BDH1: variants seen among roughly 807,000 people sequenced by gnomAD.
BDH1 encodes D-beta-hydroxybutyrate dehydrogenase, mitochondrial.
In BDH1, 30 loss-of-function variants were observed where a neutral mutation model predicts 33.1. That is an observed-to-expected ratio of 0.91 (90% confidence interval 0.68 to 1.23). The LOEUF (loss-of-function observed/expected upper bound fraction) is 1.23, where lower values mean the gene tolerates loss of function less well. Among genes scored for constraint, BDH1 ranks in the 50% most tolerant of loss-of-function variants. The probability of loss-of-function intolerance (pLI) is 0.00; values close to 1 mark genes in which losing one functional copy is unlikely to be tolerated. For missense variants in BDH1, 443 were observed against 464.4 expected, an observed-to-expected ratio of 0.95 and a Z score of 0.42; for synonymous variants, 190 against 183.6, an observed-to-expected ratio of 1.03 and a Z score of -0.28.
chr3:197,533,917 T>C, intron 3 of BDH1: 2 of 266,902 alleles, frequency 7.5e-6, no homozygotes, highest in Non-Finnish European at 1.4e-5. Context: ...TTCAAGCTAA[T>C]TCAAGTGTGA....
At position 197,532,525 on chromosome 3, in the gene BDH1, G is replaced by A; in HGVS notation, c.157-3C>T. 6.2e-7 allele frequency: 1 copy of A among 1,611,390 alleles called. No homozygotes were observed. Among genetic ancestry groups the A allele is most frequent in the South Asian group, 1.1e-5 (1 of 91,036 alleles). ...ACCAGGACAGCTTTGCTGCCAACCT[G>A]TTTTACAAGGTCAGATTCCATGTTA... On this transcript the variant is annotated splice_region_variant and splice_polypyrimidine_tract_variant and intron_variant, in intron 4 of 7. Transcript: ENST00000392379.
chr3:197,572,663 C>T (rs527718109), intron 1 of BDH1, among the ~76,000 whole-genome samples: 5 of 152,264 alleles, frequency 3.3e-5, no homozygotes, highest in African/African-American at 1.2e-4. Context: ...CTTGAGCCCA[C>T]GAGTTTGAGG....
At chr3:197,545,644 T>A (rs1361651808) in intron 3 of BDH1, among the ~76,000 whole-genome samples, 1 of 152,274 alleles carries the variant, frequency 6.6e-6, no homozygotes, top group African/African-American at 2.4e-5. Flanking sequence ...AGCAGCCACT[T>A]GGCAACACTG....
Position 197,514,226 on chromosome 3 carries a change from A to G in BDH1, c.562+38T>C. 2.5e-6 allele frequency: 4 copies of G among 1,586,118 alleles called. No individual in the cohort carries two copies. The highest frequency in any genetic ancestry group is 2.3e-5 in the South Asian group (2 of 87,736). On this transcript the variant is annotated intron_variant, in intron 7 of 7. Transcript: ENST00000392379. This position sits in a 1 kb window ranked among gnomAD's most constrained non-coding sequence, Gnocchi z 4.2. Reference sequence around the variant, plus strand: ...CTGAGCAAAGATGAACACGTGGGGCAGGTTCAGGGGCAGGAGGGAGCTCCC... The same window carrying G: ...CTGAGCAAAGATGAACACGTGGGGCGGGTTCAGGGGCAGGAGGGAGCTCCC...
At chr3:197,519,455 G>A (rs1579885244) in intron 6 of BDH1, among the ~76,000 whole-genome samples, 1 of 151,704 alleles carries the variant, frequency 6.6e-6, no homozygotes, top group East Asian at 2.0e-4. Flanking sequence ...GAGGTCAGGA[G>A]TTTGAGACCA....
rs749144360 is a variant in BDH1, at chr3:197,526,530, C to G, written c.268-3749G>C. Among the ~76,000 whole-genome samples the G allele has an allele frequency of 6.6e-6, 1 of 152,206 alleles. No homozygotes were observed. The highest frequency in any genetic ancestry group is 2.1e-4 in the South Asian group (1 of 4,836). On this transcript the variant is annotated intron_variant, in intron 5 of 7. Transcript: ENST00000392379. This position sits in a 1 kb window ranked among gnomAD's most constrained non-coding sequence, Gnocchi z 4.7. ...GGAGACCTCCGACTGCCACTCCAGA[C>G]GCAGGGCAGCGTGCCTCCCCCAGCC...
intron 2 of BDH1, among the ~76,000 whole-genome samples, chr3:197,553,942 C>T (rs1716779982): frequency 6.6e-6 from 1 of 152,192 alleles, no homozygotes; most frequent in Non-Finnish European, 1.5e-5. Flanking sequence ...GATTAAGCAG[C>T]CTTTCTATTC....
upstream of BDH1, among the ~76,000 whole-genome samples, chr3:197,559,137 G>A (rs949531557): frequency 6.6e-6 from 1 of 151,814 alleles, no homozygotes; most frequent in Non-Finnish European, 1.5e-5. Flanking sequence ...CAAGTAGCTG[G>A]GACAGGTGCC....
rs528560185 is a variant in BDH1, at chr3:197,554,199, C to G, written c.-44+363G>C. ...CTCCCGAGCAGCCTTTTCTAATCCC[C>G]TAATTCAAAAATCTTTCGCCCAATC... is the stretch of plus-strand genomic sequence containing the variant. On this transcript the variant is annotated intron_variant, in intron 2 of 7. Coordinates refer to ENST00000392379, the MANE Select transcript of BDH1 (RefSeq NM_203314.3). This position sits in a 1 kb window ranked among gnomAD's most constrained non-coding sequence, Gnocchi z 4.4. Among the ~76,000 whole-genome samples, 136 of 152,326 alleles carry G rather than the reference C, an allele frequency of 8.9e-4. No individual in the cohort carries two copies. Among genetic ancestry groups the G allele is most frequent in the African/African-American group, 3.2e-3 (133 of 41,576 alleles).
At chr3:197,537,738 T>C (rs564264259) in intron 3 of BDH1, among the ~76,000 whole-genome samples, 1 of 152,332 alleles carries the variant, frequency 6.6e-6, no homozygotes, top group South Asian at 2.1e-4. Context: ...TGTGCTAAAT[T>C]TTGCATCTTC....
intron 3 of BDH1, chr3:197,538,641 G>A (rs960121203): frequency 2.6e-5 from 6 of 230,388 alleles, no homozygotes; most frequent in Non-Finnish European, 5.3e-5. Flanking sequence ...CATGAGCCAC[G>A]GCGCCCGGCC....
In BDH1 at chr3:197,514,560, TC is replaced by T. The variant is rs1712483828; in HGVS notation, c.410-145del. 1.0e-6 allele frequency: 1 copy of T among 987,390 alleles called. No homozygotes were observed. Among genetic ancestry groups the T allele is most frequent in the Admixed American group, 2.9e-5 (1 of 34,868 alleles). The allele number at this position is 987,390 out of a possible 1,614,324, so 61.2% of individuals were successfully genotyped here. A position where few individuals can be genotyped will look rare whatever the true frequency, so the allele number is the denominator to read the frequency against. ...AGTGCTCTCAAGAAACTTTCTAGAG[TC>T]ACTCAGGAACGACAGGAGGTAAAGA... On this transcript the variant is annotated intron_variant, in intron 6 of 7. Coordinates refer to ENST00000392379, the MANE Select transcript of BDH1 (RefSeq NM_203314.3). This position sits in a 1 kb window ranked among gnomAD's most constrained non-coding sequence, Gnocchi z 4.2.
At chr3:197,515,655 T>TACCG in intron 6 of BDH1, 1 of 985,578 alleles carries the variant, frequency 1.0e-6, no homozygotes. Context: ...TGTCCACAAA[T>TACCG]ACCGCATTTC....
intron 1 of BDH1, among the ~76,000 whole-genome samples, chr3:197,566,284 A>C (rs6786569): frequency 0.4 from 60,840 of 152,138 alleles, 12,882 homozygotes; most frequent in African/African-American, 0.51. Flanking sequence ...AGGATTCAAA[A>C]TTGACTTATG....
upstream of BDH1, among the ~76,000 whole-genome samples, chr3:197,558,996 T>C (rs1181815925): frequency 2.0e-5 from 3 of 151,682 alleles, no homozygotes; most frequent in Non-Finnish European, 4.4e-5. Context: ...AAGTGGGCAA[T>C]TGAACTTTTT....
At chr3:197,535,473 A>G (rs1309118558) in intron 3 of BDH1, among the ~76,000 whole-genome samples, 1 of 152,172 alleles carries the variant, frequency 6.6e-6, no homozygotes, top group Non-Finnish European at 1.5e-5. Context: ...ACCAACCAAC[A>G]ACGTTGCTTA....
Position 197,510,207 on chromosome 3 carries a change from G to A in BDH1, c.*1688C>T, listed in dbSNP as rs372763037. On this transcript the variant is annotated 3_prime_UTR_variant, in exon 8 of 8. Coordinates refer to ENST00000392379, the MANE Select transcript of BDH1 (RefSeq NM_203314.3). Reference sequence around the variant, plus strand: ...TCTGAAGGGTGCTGCTTGCTTCTTTGTTCCCGGTTTCCGAAGCGCGAATCC... The same window carrying A: ...TCTGAAGGGTGCTGCTTGCTTCTTTATTCCCGGTTTCCGAAGCGCGAATCC... The A allele has an allele frequency of 9.8e-5, 15 of 152,408 alleles. No individual in the cohort carries two copies. The East Asian group carries it at 2.3e-3, about 24-fold the overall frequency. 9.4% of individuals were successfully genotyped at this position (152,408 alleles called of 1,614,324 possible).
chr3:197,513,907 T>G (rs1288697363), intron 7 of BDH1, among the ~76,000 whole-genome samples: 1 of 152,216 alleles, frequency 6.6e-6, no homozygotes, highest in African/African-American at 2.4e-5. Flanking sequence ...ACCCATAGAA[T>G]GAATATGCCA....
At chr3:197,560,339 G>T (rs1295249296), upstream of BDH1, among the ~76,000 whole-genome samples, 1 of 152,212 alleles carries the variant, frequency 6.6e-6, no homozygotes, top group Non-Finnish European at 1.5e-5. Flanking sequence ...GCAAGCATTA[G>T]GTCATAGCCT....
Sources: gnomAD v4.1 joint callset for allele counts (sites outside exome capture counted in the v4.1 genomes callset) on GRCh38, gnomAD v4.1.1 for gene constraint, Gnocchi (gnomAD v3.1) non-coding constraint, MANE v1.5 for transcripts, NCBI Gene and HGNC (gene_info 2026-07-23, HGNC 2026-07-21) for gene names.